Variants in HDAC9 observed in about 807,000 individuals in gnomAD.
HDAC9 encodes histone deacetylase 9.
A neutral mutation model predicts 139.4 loss-of-function variants in HDAC9; 41 were observed. The ratio of observed to expected loss-of-function variants is 0.29; its 90% CI spans 0.23 to 0.38. The LOEUF (loss-of-function observed/expected upper bound fraction) is 0.38. Among genes scored for constraint, HDAC9 ranks in the 10% least tolerant of loss-of-function variants. HDAC9 has a pLI of 1.00. For missense variants in HDAC9, 1,147 were observed against 1,297.0 expected (o/e 0.88, Z 1.78); for synonymous variants, 517 against 476.2 (o/e 1.09, Z -1.12).
intron 1 of HDAC9, among the ~76,000 whole-genome samples, chr7:18,374,229 A>T (rs189325414): frequency 2.6e-5 from 4 of 151,700 alleles, no homozygotes; most frequent in African/African-American, 4.8e-5. Flanking sequence ...ACACACACAC[A>T]TATATAGGTA....
intron 2 of HDAC9, among the ~76,000 whole-genome samples, chr7:18,249,584 T>C (rs937124441): frequency 6.7e-6 from 1 of 149,590 alleles, no homozygotes; most frequent in African/African-American, 2.5e-5. Context: ...AGGGGAGAGG[T>C]TATTTCCTAA....
intron 2 of HDAC9, among the ~76,000 whole-genome samples, chr7:18,208,849 G>A (rs1275530687): frequency 2.0e-5 from 3 of 152,146 alleles, no homozygotes; most frequent in Non-Finnish European, 4.4e-5. Flanking sequence ...ACATAATTAT[G>A]TGGCTCATAA....
chr7:18,438,372 T>C (rs796492374), intron 1 of HDAC9, among the ~76,000 whole-genome samples: 26 of 152,254 alleles, frequency 1.7e-4, no homozygotes, highest in African/African-American at 6.3e-4. Flanking sequence ...TCTGATATAC[T>C]ATTAGAAAAG....
intron 11 of HDAC9, among the ~76,000 whole-genome samples, chr7:18,665,823 C>T (rs1046490354): frequency 4.6e-5 from 7 of 152,068 alleles, no homozygotes; most frequent in African/African-American, 1.7e-4. Context: ...CATTTTTTAT[C>T]ACCCCCTTTA....
At chr7:18,338,524 G>A (rs534014749) in intron 1 of HDAC9, among the ~76,000 whole-genome samples, 33 of 151,600 alleles carry the variant, frequency 2.2e-4, no homozygotes, top group African/African-American at 7.5e-4. Flanking sequence ...CATCAAGAAT[G>A]CATTTAGTAT....
At chr7:18,850,968 C>T (rs1466023786) in intron 21 of HDAC9, among the ~76,000 whole-genome samples, 3 of 152,196 alleles carry the variant, frequency 2.0e-5, no homozygotes, top group Non-Finnish European at 2.9e-5. Context: ...CCAAAGGCCC[C>T]ACCTCCTAAT....
At chr7:18,716,482 G>T (rs1486564703) in intron 12 of HDAC9, among the ~76,000 whole-genome samples, 1 of 151,882 alleles carries the variant, frequency 6.6e-6, no homozygotes, top group Admixed American at 6.6e-5. Flanking sequence ...GATTTAAAGT[G>T]GTCATTTTCC....
In HDAC9 at chr7:18,634,731, C is replaced by G; in HGVS notation, c.901C>G (p.Pro301Ala). The G allele has an allele frequency of 6.3e-7, 1 of 1,590,024 alleles. No individual in the cohort carries two copies. The highest frequency in any genetic ancestry group is 8.6e-7 in the Non-Finnish European group (1 of 1,166,036). ...ENETSVLPPTPHAEQMVSQQR... is the reference protein window; with the variant it reads ...ENETSVLPPTAHAEQMVSQQR... ...TGAGACTTCGGTTTTGCCCCCTACC[C>G]CTCATGCCGAGGTAAGACCCTTATT... The change falls in exon 8 of 26, where the codon CCT becomes GCT. Residue 301 changes from proline (P) to alanine (A), a missense_variant. By Grantham distance (27) the Pro-to-Ala change is conservative. This residue lies in a region of HDAC9 where 264 missense variants were observed against 273.8 expected (regional missense o/e 0.96). Transcript: ENST00000686413.
chr7:18,677,305 A>T (rs1207882790), intron 12 of HDAC9, among the ~76,000 whole-genome samples: 1 of 151,808 alleles, frequency 6.6e-6, no homozygotes, highest in Non-Finnish European at 1.5e-5. Context: ...CCTTCCATGT[A>T]TGTACCAGTG....
chr7:18,357,011 C>G (rs1783363532), intron 1 of HDAC9, among the ~76,000 whole-genome samples: 1 of 152,088 alleles, frequency 6.6e-6, no homozygotes, highest in East Asian at 1.9e-4. Context: ...TACTGAAAGT[C>G]ATTTTAAGAA....
At chr7:18,673,952 C>G (rs1406768314) in intron 12 of HDAC9, among the ~76,000 whole-genome samples, 1 of 152,016 alleles carries the variant, frequency 6.6e-6, no homozygotes, top group African/African-American at 2.4e-5. Flanking sequence ...AATTCACTTA[C>G]CGCTCCATTC....
chr7:18,099,903 C>T (rs530067373), intron 1 of HDAC9, among the ~76,000 whole-genome samples: 1 of 152,248 alleles, frequency 6.6e-6, no homozygotes, highest in South Asian at 2.1e-4. Context: ...TTTGTATTTA[C>T]TCGAGTAGTT....
At chr7:18,862,995 G>C (rs1798228290) in intron 21 of HDAC9, among the ~76,000 whole-genome samples, 1 of 152,100 alleles carries the variant, frequency 6.6e-6, no homozygotes, top group Admixed American at 6.6e-5. Flanking sequence ...AATTAAATGA[G>C]CATTTGCATA....
At chr7:18,858,259 C>G (rs111282181) in intron 21 of HDAC9, among the ~76,000 whole-genome samples, 2,138 of 152,214 alleles carry the variant, frequency 0.014, 56 homozygotes, top group African/African-American at 0.048. Context: ...AAGAAATACC[C>G]TAGACTGGGT....
At chr7:18,378,253 C>T (rs1785148127) in intron 1 of HDAC9, among the ~76,000 whole-genome samples, 1 of 150,266 alleles carries the variant, frequency 6.7e-6, no homozygotes, top group Admixed American at 6.7e-5. Context: ...AATGTCAAAA[C>T]TATTAGAAAC....
At chr7:18,840,319 G>C (rs989534370) in intron 21 of HDAC9, among the ~76,000 whole-genome samples, 1 of 151,898 alleles carries the variant, frequency 6.6e-6, no homozygotes, top group African/African-American at 2.4e-5. Context: ...ATTAATATTT[G>C]TTGTTGATGC....
chr7:18,398,513 T>A (rs1044015330), intron 1 of HDAC9, among the ~76,000 whole-genome samples: 3 of 152,156 alleles, frequency 2.0e-5, no homozygotes, highest in African/African-American at 7.2e-5. Flanking sequence ...CTTACAACAT[T>A]TGCCTTTTTT....
At chr7:18,946,596 T>G (rs116202096) in intron 23 of HDAC9, among the ~76,000 whole-genome samples, 2,744 of 152,190 alleles carry the variant, frequency 0.018, 90 homozygotes, top group African/African-American at 0.063. Context: ...TGATAAAATA[T>G]TCTATGAACC....
At chr7:18,112,928 G>T (rs1414082173) in intron 1 of HDAC9, among the ~76,000 whole-genome samples, 1 of 152,138 alleles carries the variant, frequency 6.6e-6, no homozygotes, top group Non-Finnish European at 1.5e-5. Context: ...TTGTTTGTTT[G>T]TGTTTTTCCT....
Sources: gnomAD v4.1 joint callset for allele counts (sites outside exome capture counted in the v4.1 genomes callset) on GRCh38, gnomAD v4.1.1 for gene constraint, gnomAD v4.1.1 regional missense constraint, MANE v1.5 for transcripts, NCBI Gene and HGNC (gene_info 2026-07-23, HGNC 2026-07-21) for gene names.